Variants in ARFGEF1 observed in about 807,000 individuals in gnomAD.
ARFGEF1 encodes brefeldin A-inhibited guanine nucleotide-exchange protein 1.
Under a neutral mutation model 231.0 loss-of-function variants are expected in ARFGEF1, and 42 were observed. That is an observed-to-expected ratio of 0.18 (90% CI 0.14 to 0.24). The LOEUF (loss-of-function observed/expected upper bound fraction) is 0.24, where lower values mean the gene tolerates loss of function less well. Among genes scored for constraint, ARFGEF1 ranks in the 10% least tolerant of loss-of-function variants. The pLI is 1.00. For missense variants in ARFGEF1, 1,345 were observed against 2,192.0 expected (o/e 0.61, Z 7.72); for synonymous variants, 710 against 732.3 (o/e 0.97, Z 0.49).
At chr8:67,182,307 C>T (rs576795918) in intron 5 of ARFGEF1, among the ~76,000 whole-genome samples, 1 of 147,568 alleles carries the variant, frequency 6.8e-6, no homozygotes, top group Admixed American at 6.6e-5. Flanking sequence ...CACACCCAGC[C>T]AGATTTCCCC....
At chr8:67,311,316 C>T (rs555258026) in intron 1 of ARFGEF1, among the ~76,000 whole-genome samples, 1,738 of 126,474 alleles carry the variant, frequency 0.014, 59 homozygotes, top group South Asian at 0.028. Context: ...GCCCGGCCAG[C>T]TGCCCCATCC....
intron 1 of ARFGEF1, among the ~76,000 whole-genome samples, chr8:67,327,358 C>G (rs376250436): frequency 2.7e-5 from 4 of 147,772 alleles, no homozygotes; most frequent in African/African-American, 5.0e-5. Flanking sequence ...TTCGCTGTTG[C>G]CCAGGCTGGA....
chr8:67,288,021 A>T lies in ARFGEF1; in HGVS notation c.961T>A (p.Cys321Ser). ...ACAATGTCTTGTGGCTTTTCCTCAC[A>T]ATCATGGTTTTCTCCGTCATATAAC... ...EVLYDGENHD[C>S]EEKPQDIVQN... The change falls in exon 7 of 39, where the codon TGT (cysteine) becomes AGT (serine). Residue 321 changes from cysteine (C) to serine (S), a missense_variant. Coordinates refer to ENST00000262215, the MANE Select transcript of ARFGEF1 (RefSeq NM_006421.5). 1 of 1,608,388 alleles carries T rather than the reference A, an allele frequency of 6.2e-7. No individual in the cohort carries two copies.
Position 67,277,259 on chromosome 8 carries a change from C to A in ARFGEF1, c.1203+23G>T. The A allele has an allele frequency of 1.9e-6, 3 of 1,609,190 alleles. No individual in the cohort carries two copies. In the South Asian group the frequency reaches 3.3e-5, roughly 18 times the overall value. On this transcript the variant is annotated intron_variant, in intron 8 of 38. Coordinates refer to ENST00000262215, the MANE Select transcript of ARFGEF1 (RefSeq NM_006421.5). The stretch of plus-strand genomic sequence containing the variant: ...TTGTAAGATTAACAGGATTTCTCCC[C>A]CTCCCCACCCCTCCATTTATACCTG...
At chr8:67,179,306 T>C (rs577303741) in intron 5 of ARFGEF1, among the ~76,000 whole-genome samples, 125 of 152,326 alleles carry the variant, frequency 8.2e-4, no homozygotes, top group Middle Eastern at 6.8e-3. Flanking sequence ...ATTGTGGCAA[T>C]TGCTGTCACA....
intron 34 of ARFGEF1, among the ~76,000 whole-genome samples, chr8:67,209,225 G>A (rs1838633900): frequency 6.6e-6 from 1 of 152,006 alleles, no homozygotes; most frequent in African/African-American, 2.4e-5. Context: ...AACAAAATGT[G>A]GTCTATACAT....
At position 67,301,112 on chromosome 8, in the gene ARFGEF1, C is replaced by G; in HGVS notation, c.312+112G>C. 3.7e-6 allele frequency: 4 copies of G among 1,073,282 alleles called. No individual in the cohort carries two copies. The South Asian group carries it at 6.6e-5, about 18-fold the overall frequency. 66.5% of individuals were successfully genotyped at this position (1,073,282 alleles called of 1,614,324 possible). ...AAAAAATCACTTGGATTTTTTACCA[C>G]AAAAAAGAGTATTCAAAGCTTTCAT... On this transcript the variant is annotated intron_variant, in intron 3 of 38. Transcript: ENST00000262215.
At chr8:67,289,549 CAAAAAAAAAAAAAAAA>C (rs552601455) in intron 6 of ARFGEF1, among the ~76,000 whole-genome samples, 5 of 44,846 alleles carry the variant, frequency 1.1e-4, no homozygotes, top group South Asian at 8.9e-4. Context: ...ACTCTGTATC[CAAAAAAAAAAAAAAAA>C]AAAAAAAAAA....
chr8:67,192,077 T>G lies in ARFGEF1; in HGVS notation c.560+8319A>C, dbSNP rs200747678. On this transcript the variant is annotated intron_variant, in intron 5 of 5. Transcript: ENST00000518789. ...TCCTTTGCTGATTTGTTTTTTTTTT[T>G]GTTTTTTTTTTTTGATACAGAGTCC... is the stretch of plus-strand genomic sequence containing the variant. Among the ~76,000 whole-genome samples, 171 of 145,078 alleles carry G rather than the reference T, an allele frequency of 1.2e-3. 1 individual carries two copies. The highest frequency in any genetic ancestry group is 4.0e-3 in the African/African-American group (159 of 39,670).
At chr8:67,195,845 T>G (rs1375451381), downstream of ARFGEF1, 5 of 436,714 alleles carry the variant, frequency 1.1e-5, no homozygotes, top group African/African-American at 2.0e-5. Flanking sequence ...TGAACTGGAT[T>G]GAACTACTAT....
chr8:67,211,128 A>G (rs1467842984), intron 34 of ARFGEF1, among the ~76,000 whole-genome samples: 2 of 151,280 alleles, frequency 1.3e-5, no homozygotes, highest in African/African-American at 4.9e-5. Context: ...GGCAGATCAC[A>G]AGGTCAGGAG....
At chr8:67,334,188 G>A (rs1396459823) in intron 1 of ARFGEF1, among the ~76,000 whole-genome samples, 1 of 146,178 alleles carries the variant, frequency 6.8e-6, no homozygotes, top group Non-Finnish European at 1.5e-5. Context: ...TTTGGATTGT[G>A]TATAAGGTGG....
chr8:67,220,652 C>A (rs1839116601), intron 29 of ARFGEF1, among the ~76,000 whole-genome samples: 1 of 152,186 alleles, frequency 6.6e-6, no homozygotes, highest in Admixed American at 6.5e-5. Flanking sequence ...ACAGGAGACG[C>A]CTGTCAGAGT....
At chr8:67,320,949 C>T (rs72654964) in intron 1 of ARFGEF1, among the ~76,000 whole-genome samples, 3,075 of 151,994 alleles carry the variant, frequency 0.02, 48 homozygotes, top group Admixed American at 0.048. Flanking sequence ...GAGTGAGATT[C>T]CATCTCAAAA....
At chr8:67,264,707 T>C (rs1442797407) in intron 14 of ARFGEF1, among the ~76,000 whole-genome samples, 1 of 152,188 alleles carries the variant, frequency 6.6e-6, no homozygotes, top group Non-Finnish European at 1.5e-5. Context: ...TTCTCATCAA[T>C]GGCTGTATTA....
chr8:67,311,509 AG>A (rs1807056293), intron 1 of ARFGEF1, among the ~76,000 whole-genome samples: 2 of 108,324 alleles, frequency 1.8e-5, no homozygotes, highest in South Asian at 3.4e-4. Context: ...TCCGGGAGGG[AG>A]GTGGGGGGGG....
chr8:67,206,709 G>A (rs1838535022), intron 34 of ARFGEF1, among the ~76,000 whole-genome samples: 1 of 152,170 alleles, frequency 6.6e-6, no homozygotes, highest in Non-Finnish European at 1.5e-5. Flanking sequence ...GCAGCCCAGG[G>A]GACCCAGACC....
At chr8:67,206,853 A>C (rs1246209378) in intron 34 of ARFGEF1, among the ~76,000 whole-genome samples, 1 of 152,222 alleles carries the variant, frequency 6.6e-6, no homozygotes, top group African/African-American at 2.4e-5. Flanking sequence ...GGCGACTTAC[A>C]ATCCCTGTTT....
At chr8:67,227,793 C>A (rs1441474406) in intron 25 of ARFGEF1, among the ~76,000 whole-genome samples, 170 bp downstream of exon 25, 1 of 151,724 alleles carries the variant, frequency 6.6e-6, no homozygotes, top group African/African-American at 2.4e-5. Context: ...TCTTAAAGCC[C>A]AGAGCAATCA....
Sources: gnomAD v4.1 joint callset for allele counts (sites outside exome capture counted in the v4.1 genomes callset) on GRCh38, gnomAD v4.1.1 for gene constraint, MANE v1.5 for transcripts, NCBI Gene and HGNC (gene_info 2026-07-23, HGNC 2026-07-21) for gene names.